Variants in PLS1 observed in about 807,000 individuals in gnomAD.
PLS1 encodes the protein plastin 1.
A neutral mutation model predicts 73.7 loss-of-function variants in PLS1; 32 were observed. That is an observed-to-expected ratio of 0.43 (90% CI 0.33 to 0.58). PLS1 has a LOEUF of 0.58. Ranked by LOEUF, PLS1 falls within the 20% of genes least tolerant of loss-of-function variation. PLS1 has a pLI of 0.04. For missense variants in PLS1, 633 were observed against 740.5 expected (o/e 0.85, Z 1.68); for synonymous variants, 217 against 261.3 (o/e 0.83, Z 1.63).
chr3:142,653,160 C>G (rs1485705720), intron 1 of PLS1, among the ~76,000 whole-genome samples: 1 of 152,194 alleles, frequency 6.6e-6, no homozygotes, highest in Non-Finnish European at 1.5e-5. Flanking sequence ...CAACGTGAAT[C>G]TCTCTCATAC....
chr3:142,674,575 A>C (rs1224870517), intron 4 of PLS1, among the ~76,000 whole-genome samples: 1 of 152,146 alleles, frequency 6.6e-6, no homozygotes, highest in African/African-American at 2.4e-5. Context: ...CAATGTTTTT[A>C]CTTTAAGTTC....
rs144030228 is a variant in PLS1, at chr3:142,604,796, G to A, written c.-37+8287G>A. 2.7e-3 allele frequency among the ~76,000 whole-genome samples: 418 copies of A among 152,130 alleles called. 4 individuals are homozygous for A. The highest frequency in any genetic ancestry group is 9.6e-3 in the African/African-American group (398 of 41,490). ...AAAAAATACAAATAATTAGCCAGGC[G>A]TGGTGGTGGGTGCCTGTAGTCCCAG... On this transcript the variant is annotated intron_variant, in intron 1 of 15. Coordinates refer to ENST00000457734, the MANE Select transcript of PLS1 (RefSeq NM_001145319.2).
chr3:142,685,265 C>G (rs2037940223), intron 8 of PLS1, among the ~76,000 whole-genome samples: 1 of 152,204 alleles, frequency 6.6e-6, no homozygotes, highest in Non-Finnish European at 1.5e-5. Context: ...TCAGCTCTTT[C>G]TGAGGGGCAT....
At chr3:142,655,717 C>T (rs1366182435) in intron 1 of PLS1, among the ~76,000 whole-genome samples, 4 of 130,584 alleles carry the variant, frequency 3.1e-5, no homozygotes, top group Non-Finnish European at 6.2e-5. Flanking sequence ...AACAAAATTC[C>T]GTCTCAAAAA....
chr3:142,699,492 G>C (rs754536777), intron 12 of PLS1, among the ~76,000 whole-genome samples: 15 of 152,034 alleles, frequency 9.9e-5, no homozygotes, highest in Non-Finnish European at 1.2e-4. Flanking sequence ...AAACCTAGAT[G>C]ATGGGTTGAT....
At chr3:142,626,495 G>T (rs1278333827) in intron 1 of PLS1, among the ~76,000 whole-genome samples, 3 of 152,022 alleles carry the variant, frequency 2.0e-5, no homozygotes, top group Non-Finnish European at 4.4e-5. Context: ...AAAATAAGAC[G>T]ATTTTTTAAA....
At chr3:142,679,816 C>A (rs1375438516) in intron 6 of PLS1, among the ~76,000 whole-genome samples, 3 of 152,146 alleles carry the variant, frequency 2.0e-5, no homozygotes, top group Non-Finnish European at 1.5e-5. Flanking sequence ...TGAAAAAAGT[C>A]ATTGGTAGCT....
intron 1 of PLS1, chr3:142,656,426 A>G (rs1468553819): frequency 2.0e-5 from 3 of 152,252 alleles, no homozygotes; most frequent in Non-Finnish European, 4.4e-5. Context: ...GCTGTTATGT[A>G]GAGTAGGAGA....
At chr3:142,600,497 T>TGA (rs1490934884) in intron 1 of PLS1, among the ~76,000 whole-genome samples, 2 of 151,974 alleles carry the variant, frequency 1.3e-5, no homozygotes, top group South Asian at 2.1e-4. Flanking sequence ...GAGGTAAGGC[T>TGA]GAGAGAGAGA....
In PLS1 at chr3:142,671,102, G is replaced by A. The variant is rs770449611; in HGVS notation, c.344G>A (p.Gly115Asp). The change falls in exon 4 of 16, where the codon GGC becomes GAC. Residue 115 changes from glycine (G) to aspartate (D), a missense_variant. Physicochemically the swap from Gly to Asp is moderately conservative, Grantham distance 94. Coordinates refer to ENST00000457734, the MANE Select transcript of PLS1 (RefSeq NM_001145319.2). ...GGAACTTCAACTATTTCCAGTGAGGGCACACAGCATTCTTATTCAGGTAAC... is the reference window on the plus strand; with the variant it reads ...GGAACTTCAACTATTTCCAGTGAGGACACACAGCATTCTTATTCAGGTAAC... ...IGGTSTISSE[G>D]TQHSYSEEEK... 3 of 1,610,702 alleles carry A rather than the reference G, an allele frequency of 1.9e-6. No homozygotes were observed. In the South Asian group the frequency reaches 3.3e-5, roughly 18 times the overall value.
rs2037427825 is a variant in PLS1 at position 142,664,118 on chromosome 3, G to A, written c.-36-84G>A. On this transcript the variant is annotated intron_variant, in intron 1 of 15. Coordinates refer to ENST00000457734, the MANE Select transcript of PLS1 (RefSeq NM_001145319.2). ...GATCTCATAGATAATTCCTCCTAGAGAATGTACTTCCTCTGTACCTTATAT... is the reference window on the plus strand; with the variant it reads ...GATCTCATAGATAATTCCTCCTAGAAAATGTACTTCCTCTGTACCTTATAT... 4 of 529,286 alleles carry A rather than the reference G, an allele frequency of 7.6e-6. No homozygotes were observed. The African/African-American group carries it at 7.8e-5, about 10-fold the overall frequency. 32.8% of individuals were successfully genotyped at this position (529,286 alleles called of 1,614,324 possible).
intron 12 of PLS1, among the ~76,000 whole-genome samples, chr3:142,701,168 G>T (rs1560076387): frequency 6.6e-6 from 1 of 152,142 alleles, no homozygotes; most frequent in Non-Finnish European, 1.5e-5. Context: ...TTCTTACCTT[G>T]CATAGGTTCT....
intron 12 of PLS1, among the ~76,000 whole-genome samples, chr3:142,699,106 TG>T (rs1379947949): frequency 6.6e-6 from 1 of 151,700 alleles, no homozygotes; most frequent in Non-Finnish European, 1.5e-5. Context: ...TGTCAGGGGT[TG>T]GGGGGCAAGG....
chr3:142,703,030 A>T (rs1397917951), intron 12 of PLS1, among the ~76,000 whole-genome samples: 1 of 152,254 alleles, frequency 6.6e-6, no homozygotes, highest in Admixed American at 6.5e-5. Context: ...ATAGATCATT[A>T]TTAGCTGGTA....
intron 1 of PLS1, among the ~76,000 whole-genome samples, chr3:142,609,621 G>A (rs1301677738): frequency 1.3e-5 from 2 of 152,150 alleles, no homozygotes; most frequent in East Asian, 1.9e-4. Flanking sequence ...CAGTTAAATC[G>A]TTTGCCAAAG....
intron 12 of PLS1, 111 bp from the exon 13 acceptor site, chr3:142,703,757 T>A: frequency 7.9e-6 from 5 of 632,678 alleles, no homozygotes; most frequent in African/African-American, 1.8e-5. Flanking sequence ...ATTGGTCATA[T>A]AAATTTAAGG....
At chr3:142,628,777 T>C (rs2036488055) in intron 1 of PLS1, among the ~76,000 whole-genome samples, 1 of 152,230 alleles carries the variant, frequency 6.6e-6, no homozygotes, top group Admixed American at 6.5e-5. Context: ...CCTGAGACAT[T>C]CATACTACCT....
intron 1 of PLS1, among the ~76,000 whole-genome samples, chr3:142,599,398 C>T (rs374936344): frequency 2.6e-4 from 38 of 146,712 alleles, no homozygotes; most frequent in East Asian, 1.8e-3. Context: ...GGCGCAATCT[C>T]GGCTCACTGC....
intron 4 of PLS1, among the ~76,000 whole-genome samples, chr3:142,674,133 A>G (rs1025449924): frequency 6.6e-6 from 1 of 152,040 alleles, no homozygotes; most frequent in Non-Finnish European, 1.5e-5. Flanking sequence ...TTGCATATAT[A>G]TTTCTGGTGG....
Sources: gnomAD v4.1 joint callset for allele counts (sites outside exome capture counted in the v4.1 genomes callset) on GRCh38, gnomAD v4.1.1 for gene constraint, MANE v1.5 for transcripts, NCBI Gene and HGNC (gene_info 2026-07-23, HGNC 2026-07-21) for gene names.